GALNT18: variants seen among roughly 807,000 people sequenced by gnomAD.
GALNT18 encodes polypeptide N-acetylgalactosaminyltransferase 18.
GALNT18 carries 44 observed loss-of-function variants against 69.5 expected under a neutral mutation model. That is an observed-to-expected ratio of 0.63 (90% confidence interval 0.50 to 0.81). GALNT18 has a LOEUF of 0.81. Ranked by LOEUF, GALNT18 falls within the 40% of genes least tolerant of loss-of-function variation. GALNT18 has a pLI of 0.00. For synonymous variants in GALNT18, 364 were observed against 318.2 expected (o/e 1.14, Z -1.53); for missense variants, 715 against 810.0 (o/e 0.88, Z 1.42).
At position 11,587,529 on chromosome 11, in the gene GALNT18, T is replaced by G. The variant is rs948608178; in HGVS notation, c.235+33830A>C. Among the ~76,000 whole-genome samples, 3 of 152,178 alleles carry G rather than the reference T, an allele frequency of 2.0e-5. No homozygotes were observed. The highest frequency in any genetic ancestry group is 7.2e-5 in the African/African-American group (3 of 41,446). ...AAGCACTCTGGAGCTCAGCCTAGGATTTGAATACAGGAGCTTTGCAAGACC... is the reference window on the plus strand; with the variant it reads ...AAGCACTCTGGAGCTCAGCCTAGGAGTTGAATACAGGAGCTTTGCAAGACC... On this transcript the variant is annotated intron_variant, in intron 1 of 10. Coordinates refer to ENST00000227756, the MANE Select transcript of GALNT18 (RefSeq NM_198516.3). This position sits in a 1 kb window ranked among gnomAD's most constrained non-coding sequence, Gnocchi z 4.4.
intron 10 of GALNT18, among the ~76,000 whole-genome samples, chr11:11,280,991 G>C (rs1386496241): frequency 6.6e-6 from 1 of 152,184 alleles, no homozygotes; most frequent in East Asian, 1.9e-4. Flanking sequence ...CCTGTGGCCT[G>C]GGCATATCTG....
At chr11:11,385,894 A>G (rs1854045513) in intron 3 of GALNT18, among the ~76,000 whole-genome samples, 2 of 152,190 alleles carry the variant, frequency 1.3e-5, no homozygotes. Context: ...CTAATCCAGT[A>G]TGACTGGTAT....
chr11:11,620,805 C>T lies in GALNT18; in HGVS notation c.235+554G>A, dbSNP rs1189118927. ...AGAGGGCTCCTTGCATTCCCTATCGCCTACCAACGGGATCACAGCAAGACT... is the reference window on the plus strand; with the variant it reads ...AGAGGGCTCCTTGCATTCCCTATCGTCTACCAACGGGATCACAGCAAGACT... On this transcript the variant is annotated intron_variant, in intron 1 of 10. Transcript: ENST00000227756. This position sits in a 1 kb window ranked among gnomAD's most constrained non-coding sequence, Gnocchi z 6.9. 6.6e-6 allele frequency among the ~76,000 whole-genome samples: 1 copy of T among 152,166 alleles called. No individual in the cohort carries two copies. Among genetic ancestry groups the T allele is most frequent in the Non-Finnish European group, 1.5e-5 (1 of 68,024 alleles).
chr11:11,558,615 A>G (rs755454335), intron 1 of GALNT18, among the ~76,000 whole-genome samples: 5 of 152,244 alleles, frequency 3.3e-5, no homozygotes, highest in Admixed American at 6.5e-5. Context: ...TGGAAAGTCC[A>G]GCCCAGGCTC....
rs1860115629 is a variant in GALNT18 at position 11,618,601 on chromosome 11, G to A, written c.235+2758C>T. The stretch of plus-strand genomic sequence containing the variant: ...GGGAGACAGTTTAGTACGTGGGTAA[G>A]AACTTAGACTTCTGAAGCCACACTA... On this transcript the variant is annotated intron_variant, in intron 1 of 10. Transcript: ENST00000227756. The surrounding 1 kb of genome is among the most constrained non-coding windows in gnomAD (Gnocchi z 6.1). 6.6e-6 allele frequency among the ~76,000 whole-genome samples: 1 copy of A among 152,162 alleles called. No individual in the cohort carries two copies. Among genetic ancestry groups the A allele is most frequent in the Non-Finnish European group, 1.5e-5 (1 of 68,034 alleles).
intron 1 of GALNT18, among the ~76,000 whole-genome samples, chr11:11,498,541 G>A (rs1053932345): frequency 2.0e-5 from 3 of 152,242 alleles, no homozygotes; most frequent in African/African-American, 7.2e-5. Flanking sequence ...GCTAATGCCT[G>A]TAATCCCAAC....
intron 1 of GALNT18, among the ~76,000 whole-genome samples, chr11:11,574,248 A>T (rs1442747661): frequency 6.6e-6 from 1 of 152,148 alleles, no homozygotes; most frequent in Non-Finnish European, 1.5e-5. Flanking sequence ...CTGGAACTAC[A>T]CTTTATAGAT....
In GALNT18 at chr11:11,600,363, A is replaced by G. The variant is rs1317513320; in HGVS notation, c.235+20996T>C. Among the ~76,000 whole-genome samples, 1 of 151,928 alleles carries G rather than the reference A, an allele frequency of 6.6e-6. No homozygotes were observed. Among genetic ancestry groups the G allele is most frequent in the Non-Finnish European group, 1.5e-5 (1 of 67,918 alleles). Reference sequence around the variant, plus strand: ...TTTTTGTTTTTCTGGTAATGACTTTATTTTGTATTCATTTTGTCTTCAACT... The same window carrying G: ...TTTTTGTTTTTCTGGTAATGACTTTGTTTTGTATTCATTTTGTCTTCAACT... On this transcript the variant is annotated intron_variant, in intron 1 of 10. Coordinates refer to ENST00000227756, the MANE Select transcript of GALNT18 (RefSeq NM_198516.3). The surrounding 1 kb of genome is among the most constrained non-coding windows in gnomAD (Gnocchi z 4.8).
At chr11:11,549,047 G>C (rs1858130205) in intron 1 of GALNT18, among the ~76,000 whole-genome samples, 1 of 152,234 alleles carries the variant, frequency 6.6e-6, no homozygotes, top group African/African-American at 2.4e-5. Flanking sequence ...CTACAGTATG[G>C]ACAGTAGGGT....
intron 10 of GALNT18, among the ~76,000 whole-genome samples, chr11:11,282,322 CTGAGA>C (rs1254829511): frequency 5.9e-5 from 9 of 152,278 alleles, no homozygotes; most frequent in African/African-American, 2.2e-4. Flanking sequence ...GGTTCTGCAG[CTGAGA>C]TGAGAGGAAT....
Position 11,427,134 on chromosome 11 carries a change from A to G in GALNT18, c.595+5487T>C, listed in dbSNP as rs192231269. Among the ~76,000 whole-genome samples, 5 of 152,350 alleles carry G rather than the reference A, an allele frequency of 3.3e-5. No homozygotes were observed. In the East Asian group the frequency reaches 5.8e-4, roughly 18 times the overall value. On this transcript the variant is annotated intron_variant, in intron 3 of 10. Coordinates refer to ENST00000227756, the MANE Select transcript of GALNT18 (RefSeq NM_198516.3). ...TGCTAAAGTTTGAGACTGCTGCAGC[A>G]GAGTGACAGCATGATAGATCGGAGC... is the stretch of plus-strand genomic sequence containing the variant.
chr11:11,489,536 G>A (rs532214750), intron 1 of GALNT18, among the ~76,000 whole-genome samples: 1 of 152,286 alleles, frequency 6.6e-6, no homozygotes, highest in East Asian at 1.9e-4. Context: ...TCGCTCCCTA[G>A]AGAGAAGATA....
At chr11:11,550,577 G>T (rs913335473) in intron 1 of GALNT18, among the ~76,000 whole-genome samples, 1 of 152,154 alleles carries the variant, frequency 6.6e-6, no homozygotes, top group African/African-American at 2.4e-5. Context: ...TTCCGAAGTT[G>T]TCCTAGATTC....
At chr11:11,423,242 CACAA>C (rs781541522) in intron 3 of GALNT18, among the ~76,000 whole-genome samples, 2 of 152,188 alleles carry the variant, frequency 1.3e-5, no homozygotes, top group Admixed American at 6.5e-5. Context: ...AAGGCATGCA[CACAA>C]ACACATGTGT....
chr11:11,290,632 CAA>C (rs1237550600), intron 10 of GALNT18, among the ~76,000 whole-genome samples: 3 of 152,192 alleles, frequency 2.0e-5, no homozygotes, highest in African/African-American at 7.2e-5. Context: ...TCACTCCTTC[CAA>C]AGAGACCAGG....
At chr11:11,323,371 A>C (rs568553688) in intron 9 of GALNT18, among the ~76,000 whole-genome samples, 1 of 152,380 alleles carries the variant, frequency 6.6e-6, no homozygotes, top group East Asian at 1.9e-4. Context: ...AGATATTCTC[A>C]TTCCAGAAGG....
At chr11:11,282,236 CA>C (rs995777938) in intron 10 of GALNT18, among the ~76,000 whole-genome samples, 6 of 152,138 alleles carry the variant, frequency 3.9e-5, no homozygotes, top group African/African-American at 1.4e-4. Context: ...CTTCCTTTCC[CA>C]CACTCAGTGC....
rs1413498762 is a variant in GALNT18, at chr11:11,469,541, A to G, written c.236-20605T>C. Among the ~76,000 whole-genome samples the G allele has an allele frequency of 6.6e-6, 1 of 152,148 alleles. No homozygotes were observed. The highest frequency in any genetic ancestry group is 1.5e-5 in the Non-Finnish European group (1 of 68,028). On this transcript the variant is annotated intron_variant, in intron 1 of 10. Coordinates refer to ENST00000227756, the MANE Select transcript of GALNT18 (RefSeq NM_198516.3). This position sits in a 1 kb window ranked among gnomAD's most constrained non-coding sequence, Gnocchi z 4.2. ...CTTCTCTAAACCTCACTGGATCTGCATCTTGGTGATCAACCTCTGACTTGT... is the reference window on the plus strand; with the variant it reads ...CTTCTCTAAACCTCACTGGATCTGCGTCTTGGTGATCAACCTCTGACTTGT...
At chr11:11,297,179 G>GC (rs1294372475) in intron 9 of GALNT18, among the ~76,000 whole-genome samples, 2 of 152,086 alleles carry the variant, frequency 1.3e-5, no homozygotes, top group Non-Finnish European at 2.9e-5. Context: ...GCACAGGACA[G>GC]CCCCCCACAG....
Sources: gnomAD v4.1 joint callset for allele counts (sites outside exome capture counted in the v4.1 genomes callset) on GRCh38, gnomAD v4.1.1 for gene constraint, Gnocchi (gnomAD v3.1) non-coding constraint, MANE v1.5 for transcripts, NCBI Gene and HGNC (gene_info 2026-07-23, HGNC 2026-07-21) for gene names.